Variants in CACNA1C observed in about 807,000 individuals in gnomAD.
CACNA1C encodes the protein voltage-dependent L-type calcium channel subunit alpha-1C.
Under a neutral mutation model 229.0 loss-of-function variants are expected in CACNA1C, and 30 were observed. The ratio of observed to expected loss-of-function variants is 0.13; its 90% confidence interval spans 0.10 to 0.18. The LOEUF (loss-of-function observed/expected upper bound fraction) is 0.18, where lower values mean the gene tolerates loss of function less well. CACNA1C is among the 10% of genes least tolerant of loss of function. The pLI is 1.00. For synonymous variants in CACNA1C, 1,114 were observed against 1,132.5 expected, an observed-to-expected ratio of 0.98 and a Z score of 0.33; for missense variants, 1,658 against 2,845.0, an observed-to-expected ratio of 0.58 and a Z score of 9.49.
chr12:2,185,599 A>G (rs1433389399), intron 3 of CACNA1C, among the ~76,000 whole-genome samples: 2 of 152,376 alleles, frequency 1.3e-5, no homozygotes, highest in Non-Finnish European at 2.9e-5. Context: ...CACACATAGA[A>G]GGAAAAGCAT....
At chr12:2,066,640 T>C (rs2059365844) in intron 1 of CACNA1C, among the ~76,000 whole-genome samples, 1 of 151,878 alleles carries the variant, frequency 6.6e-6, no homozygotes, top group Admixed American at 6.6e-5. Context: ...TTTCAAGAAT[T>C]TTGGCTGTGA....
intron 13 of CACNA1C, 93 bp from the exon 14 acceptor site, chr12:2,581,497 T>C: frequency 1.7e-6 from 2 of 1,189,872 alleles, no homozygotes; most frequent in Non-Finnish European, 2.3e-6. Context: ...TGGCAGCTCC[T>C]CTGAGAACCT....
chr12:2,448,031 G>A (rs1015756635), intron 3 of CACNA1C, among the ~76,000 whole-genome samples: 3 of 152,244 alleles, frequency 2.0e-5, no homozygotes, highest in African/African-American at 4.8e-5. Flanking sequence ...GGCAGCCTTT[G>A]CCTGGTGGGG....
intron 1 of CACNA1C, chr12:1,992,392 T>C (rs978933533): frequency 1.3e-5 from 2 of 153,468 alleles, no homozygotes; most frequent in Admixed American, 6.5e-5. Context: ...CTGAATAGTA[T>C]ATGGTAGGCA....
chr12:2,437,852 A>ATGGTGGTGGTAATGG (rs1273460568), intron 3 of CACNA1C, among the ~76,000 whole-genome samples: 12 of 106,430 alleles, frequency 1.1e-4, no homozygotes, highest in Non-Finnish European at 2.2e-4. Flanking sequence ...GGTGGTGATG[A>ATGGTGGTGGTAATGG]TGGTGGTGAT....
intron 3 of CACNA1C, among the ~76,000 whole-genome samples, chr12:2,347,909 T>C (rs2154524982): frequency 6.6e-6 from 1 of 152,332 alleles, no homozygotes; most frequent in South Asian, 2.1e-4. Context: ...TGGTAGGCTG[T>C]TGGAGTATCA....
chr12:2,230,419 A>G (rs2064654309), intron 3 of CACNA1C, among the ~76,000 whole-genome samples: 1 of 152,220 alleles, frequency 6.6e-6, no homozygotes, highest in South Asian at 2.1e-4. Context: ...AAGCACAGTC[A>G]GCCCTCTGCC....
chr12:2,581,486 G>A, intron 13 of CACNA1C, 104 bp from the exon 14 acceptor site: 1 of 1,039,244 alleles, frequency 9.6e-7, no homozygotes, highest in Non-Finnish European at 1.4e-6. Context: ...AGAGCATAGA[G>A]TGGCAGCTCC....
chr12:2,064,643 G>A (rs1299744139), intron 1 of CACNA1C, among the ~76,000 whole-genome samples: 1 of 152,174 alleles, frequency 6.6e-6, no homozygotes, highest in Admixed American at 6.5e-5. Context: ...GAGAAAATTG[G>A]GAAAGGAGGA....
intron 1 of CACNA1C, among the ~76,000 whole-genome samples, chr12:1,995,919 C>G (rs938013713): frequency 1.3e-5 from 2 of 152,214 alleles, no homozygotes; most frequent in Non-Finnish European, 2.9e-5. Context: ...ACCCAAGTGT[C>G]CTGCTACCAG....
At chr12:2,578,916 A>G (rs1050552446) in intron 13 of CACNA1C, among the ~76,000 whole-genome samples, 1 of 152,016 alleles carries the variant, frequency 6.6e-6, no homozygotes, top group Admixed American at 6.5e-5. Flanking sequence ...GCTAGTTTCC[A>G]TGCTCCATCT....
At chr12:2,522,855 C>A (rs2099812576) in intron 9 of CACNA1C, among the ~76,000 whole-genome samples, 1 of 152,140 alleles carries the variant, frequency 6.6e-6, no homozygotes, top group Non-Finnish European at 1.5e-5. Flanking sequence ...TTGTTTGCCC[C>A]ATTTTGCAGA....
intron 3 of CACNA1C, among the ~76,000 whole-genome samples, chr12:2,197,021 AGCT>A (rs1476385162): frequency 6.6e-6 from 1 of 152,282 alleles, no homozygotes; most frequent in Non-Finnish European, 1.5e-5. Context: ...GGTGGGCTGG[AGCT>A]GCCCAGCAAA....
intron 9 of CACNA1C, among the ~76,000 whole-genome samples, chr12:2,516,311 G>C (rs1209952369): frequency 6.6e-6 from 1 of 152,158 alleles, no homozygotes; most frequent in Non-Finnish European, 1.5e-5. Context: ...TGTAAGGTGA[G>C]GCTGTGGGAC....
chr12:2,051,531 G>T (rs150078566), upstream of CACNA1C, among the ~76,000 whole-genome samples: 4 of 152,328 alleles, frequency 2.6e-5, no homozygotes, highest in Admixed American at 2.6e-4. Context: ...AGGGGGATCA[G>T]CCACAGGAGA....
At chr12:2,123,647 T>A (rs2088220399) in intron 3 of CACNA1C, among the ~76,000 whole-genome samples, 1 of 152,196 alleles carries the variant, frequency 6.6e-6, no homozygotes. Context: ...CCTTTTCTTT[T>A]CCCTTGGCCG....
intron 12 of CACNA1C, 103 bp from the exon 13 acceptor site, chr12:2,567,466 G>C: frequency 1.4e-6 from 1 of 715,468 alleles, no homozygotes; most frequent in Non-Finnish European, 2.3e-6. Flanking sequence ...TGTCATGGGG[G>C]ATCTTTTTTC....
intron 3 of CACNA1C, among the ~76,000 whole-genome samples, chr12:2,329,029 A>G (rs1003301823): frequency 5.9e-5 from 9 of 152,180 alleles, no homozygotes; most frequent in African/African-American, 1.9e-4. Context: ...CAATGACAGT[A>G]TGGGCATTAA....
chr12:2,609,924 G>A (rs1218892079), intron 27 of CACNA1C, among the ~76,000 whole-genome samples: 3 of 152,150 alleles, frequency 2.0e-5, no homozygotes, highest in Non-Finnish European at 4.4e-5. Context: ...AGGAGTTTGA[G>A]ACCAGCCTGG....
Sources: gnomAD v4.1 joint callset for allele counts (sites outside exome capture counted in the v4.1 genomes callset) on GRCh38, gnomAD v4.1.1 for gene constraint, MANE v1.5 for transcripts, NCBI Gene and HGNC (gene_info 2026-07-23, HGNC 2026-07-21) for gene names.